EMC1: variants seen among roughly 807,000 people sequenced by gnomAD.
EMC1 encodes ER membrane protein complex subunit 1, also known as KIAA0090.
Under a neutral mutation model 128.8 loss-of-function variants are expected in EMC1, and 103 were observed. The ratio of observed to expected loss-of-function variants is 0.80; its 90% CI spans 0.68 to 0.94. EMC1 has a LOEUF of 0.94. Ranked by LOEUF, EMC1 falls within the 40% of genes least tolerant of loss-of-function variation. The pLI is 0.00. For missense variants in EMC1, 1,083 were observed against 1,250.6 expected, an observed-to-expected ratio of 0.87 and a Z score of 2.02; for synonymous variants, 442 against 490.4, an observed-to-expected ratio of 0.90 and a Z score of 1.30.
intron 2 of EMC1, chr1:19,244,704 A>G: frequency 3.9e-6 from 2 of 508,788 alleles, no homozygotes; most frequent in Admixed American, 3.4e-5. Context: ...TCAAGCTGAG[A>G]GAACAAACCG....
chr1:19,229,456 A>G (rs938072013), intron 17 of EMC1: 1 of 152,138 alleles, frequency 6.6e-6, no homozygotes, highest in African/African-American at 2.4e-5. Context: ...TCCCACAGAC[A>G]GCTCTGCCTC....
intron 4 of EMC1, 127 bp from the exon 5 acceptor site, chr1:19,242,600 G>A (rs1219791804): frequency 1.0e-6 from 1 of 988,612 alleles, no homozygotes; most frequent in East Asian, 2.6e-5. Flanking sequence ...AACACAGCTG[G>A]ATCCTAACCC....
chr1:19,223,210 G>C (rs183258276), intron 19 of EMC1, among the ~76,000 whole-genome samples, 186 bp downstream of exon 19: 1 of 152,188 alleles, frequency 6.6e-6, no homozygotes, highest in Non-Finnish European at 1.5e-5. Context: ...GTCAGGAAAC[G>C]GAAGAGGTAA....
At chr1:19,227,216 A>T in intron 18 of EMC1, 97 bp downstream of exon 18, 1 of 1,356,202 alleles carries the variant, frequency 7.4e-7, no homozygotes, top group Admixed American at 2.0e-5. Context: ...GACTTACTCA[A>T]GGTCATATAT....
intron 1 of EMC1, among the ~76,000 whole-genome samples, chr1:19,250,404 C>A (rs1446678013): frequency 6.6e-6 from 1 of 151,874 alleles, no homozygotes; most frequent in Non-Finnish European, 1.5e-5. Flanking sequence ...AAGTATTCTG[C>A]AAAATTAGAT....
At chr1:19,231,565 G>A in intron 15 of EMC1, 143 bp from the exon 16 acceptor site, 1 of 824,566 alleles carries the variant, frequency 1.2e-6, no homozygotes, top group Non-Finnish European at 1.9e-6. Flanking sequence ...GTTCTTGGCT[G>A]TAGGTGAATA....
At chr1:19,241,892 C>G (rs986848969) in intron 5 of EMC1, among the ~76,000 whole-genome samples, 2 of 151,860 alleles carry the variant, frequency 1.3e-5, no homozygotes, top group Non-Finnish European at 2.9e-5. Flanking sequence ...TTCCTTCTCT[C>G]TTGTTCCTTC....
At chr1:19,247,661 T>A (rs1338704287) in intron 1 of EMC1, among the ~76,000 whole-genome samples, 2 of 152,236 alleles carry the variant, frequency 1.3e-5, no homozygotes, top group Non-Finnish European at 2.9e-5. Flanking sequence ...ATCTACTTTT[T>A]ATGGTTAGAG....
rs2151949414 is a variant in EMC1 at position 19,232,691 on chromosome 1, A to G, written c.1715T>C (p.Leu572Pro). ...PNVKPDSSFK[L>P]MVQRTTAHFP... is the part of the protein sequence containing the mutation. The stretch of plus-strand genomic sequence containing the variant: ...ATGAGCAGTAGTTCTCTGGACCATC[A>G]GTTTAAAGGAGGAGTCTGGCTTGAC... Residue 572 changes from leucine (L) to proline (P), a missense_variant, in exon 15 of 23, where the codon CTG becomes CCG. By Grantham distance (98) the Leu-to-Pro change is moderately conservative. Coordinates refer to ENST00000477853, the MANE Select transcript of EMC1 (RefSeq NM_015047.3). The G allele has an allele frequency of 6.2e-7, 1 of 1,614,208 alleles. No homozygotes were observed. Among genetic ancestry groups the G allele is most frequent in the Non-Finnish European group, 8.5e-7 (1 of 1,180,028 alleles).
Position 19,230,893 on chromosome 1 carries a change from T to C in EMC1, c.2015A>G (p.Tyr672Cys), listed in dbSNP as rs776183467. Residue 672 changes from tyrosine (Y) to cysteine (C), a missense_variant, in exon 17 of 23, where the codon TAT becomes TGT. Tyr to Cys is a radical substitution (Grantham distance 194). Around this residue, in one of 3 missense-constraint regions of EMC1, gnomAD observed 527 missense variants for 644.1 expected, o/e 0.82. Transcript: ENST00000477853. ...LHELAPSIFF[Y>C]LVDAEQGRLC... The stretch of plus-strand genomic sequence containing the variant: ...CCGTCCCTGCTCTGCATCCACCAAA[T>C]AGAAGAAGATGGAAGGGGCAAGCTC... 41 of 1,614,036 alleles carry C rather than the reference T, an allele frequency of 2.5e-5. No homozygotes were observed. The highest frequency in any genetic ancestry group is 3.4e-5 in the Non-Finnish European group (40 of 1,180,014).
intron 20 of EMC1, 90 bp downstream of exon 20, chr1:19,222,534 A>G: frequency 2.6e-6 from 3 of 1,175,348 alleles, no homozygotes; most frequent in Non-Finnish European, 3.7e-6. Flanking sequence ...TGGTTCAACA[A>G]GGCTCTGCCA....
At chr1:19,239,780 TCTC>T in intron 8 of EMC1, 35 bp downstream of exon 8, 1 of 1,603,204 alleles carries the variant, frequency 6.2e-7, no homozygotes, top group Non-Finnish European at 8.5e-7. Context: ...CTTGGAGAGA[TCTC>T]CTGAATCCTA....
Position 19,222,802 on chromosome 1 carries a change from G to A in EMC1, c.2409C>T (p.Asn803=), listed in dbSNP as rs141068108. The A allele has an allele frequency of 5.5e-5, 89 of 1,612,928 alleles. No individual in the cohort carries two copies. The highest frequency in any genetic ancestry group is 5.0e-4 in the Middle Eastern group (3 of 6,052). The change falls in exon 20 of 23, where the codon AAC becomes AAT. Residue 803 remains asparagine (N), a synonymous_variant. Coordinates refer to ENST00000477853, the MANE Select transcript of EMC1 (RefSeq NM_015047.3). ...CATAGAGCTCCAGTACGGTAAACTCGTTGCGCCGAGCCTTGGTGTTCCAGT... is the reference window on the plus strand; with the variant it reads ...CATAGAGCTCCAGTACGGTAAACTCATTGCGCCGAGCCTTGGTGTTCCAGT... ...YQYWNTKARR[N]EFTVLELYEG...
rs141681728 is a variant in EMC1 at position 19,228,033 on chromosome 1, A to C, written c.2065-583T>G. Among the ~76,000 whole-genome samples the C allele has an allele frequency of 5.9e-4, 90 of 152,072 alleles. 1 individual carries two copies. The highest frequency in any genetic ancestry group is 3.4e-3 in the Middle Eastern group (1 of 294). ...CCAGCCTGACCAACATAGAGAAACC[A>C]CATCTCTACTAAAAATGCAAAATTA... On this transcript the variant is annotated intron_variant, in intron 17 of 22. Transcript: ENST00000477853.
chr1:19,219,426 A>G lies in EMC1; in HGVS notation c.2859T>C (p.Phe953=). The G allele has an allele frequency of 6.2e-7, 1 of 1,614,040 alleles. No individual in the cohort carries two copies. ...YQTRVYPSKQ[F]DVLKDDYDYV... ...AGTCATAGTCATCCTTCAGAACGTC[A>G]AACTGCTTGGATGGGTAGACTCGAG... The change falls in exon 23 of 23, where the codon TTT becomes TTC. Residue 953 remains phenylalanine, a synonymous_variant. Coordinates refer to ENST00000477853, the MANE Select transcript of EMC1 (RefSeq NM_015047.3).
At chr1:19,243,243 C>A (rs2151962073) in intron 4 of EMC1, among the ~76,000 whole-genome samples, 1 of 152,152 alleles carries the variant, frequency 6.6e-6, no homozygotes, top group East Asian at 1.9e-4. Flanking sequence ...TCAAAAAACT[C>A]AATAAATAAA....
intron 17 of EMC1, among the ~76,000 whole-genome samples, chr1:19,228,124 G>C (rs2093490670): frequency 6.7e-6 from 1 of 148,674 alleles, no homozygotes; most frequent in Non-Finnish European, 1.5e-5. Context: ...AGAATCACTT[G>C]AACCCAGGAG....
chr1:19,238,616 C>T (rs1401399809), intron 10 of EMC1, among the ~76,000 whole-genome samples, 179 bp downstream of exon 10: 1 of 152,194 alleles, frequency 6.6e-6, no homozygotes, highest in African/African-American at 2.4e-5. Flanking sequence ...GGGATTCTAC[C>T]TCCTAATCTC....
At chr1:19,236,707 C>T (rs1336744021) in intron 12 of EMC1, among the ~76,000 whole-genome samples, 3 of 150,500 alleles carry the variant, frequency 2.0e-5, no homozygotes, top group Non-Finnish European at 4.4e-5. Flanking sequence ...GTGGCTCACA[C>T]CTGTAATCCC....
Sources: gnomAD v4.1 joint callset for allele counts (sites outside exome capture counted in the v4.1 genomes callset) on GRCh38, gnomAD v4.1.1 for gene constraint, gnomAD v4.1.1 regional missense constraint, MANE v1.5 for transcripts, NCBI Gene and HGNC (gene_info 2026-07-23, HGNC 2026-07-21) for gene names.